PKIB: variants seen among roughly 807,000 people sequenced by gnomAD.
PKIB encodes cAMP-dependent protein kinase inhibitor beta.
A neutral mutation model predicts 4.5 loss-of-function variants in PKIB; 2 were observed. The ratio of observed to expected loss-of-function variants is 0.44; its 90% CI spans 0.18 to 1.39. The LOEUF (loss-of-function observed/expected upper bound fraction) is 1.39. PKIB is among the 40% of genes most tolerant of loss of function. PKIB has a pLI of 0.27. For synonymous variants in PKIB, 38 were observed against 36.0 expected (o/e 1.06, Z -0.20); for missense variants, 94 against 92.6 (o/e 1.02, Z -0.06).
At chr6:122,501,628 C>T (rs1322694847) in intron 2 of PKIB, among the ~76,000 whole-genome samples, 1 of 152,194 alleles carries the variant, frequency 6.6e-6, no homozygotes, top group East Asian at 1.9e-4. Flanking sequence ...CCTGAGGCTG[C>T]ATAGAGCAGT....
chr6:122,596,024 C>T (rs878953317), intron 3 of PKIB, among the ~76,000 whole-genome samples: 2 of 152,220 alleles, frequency 1.3e-5, no homozygotes, highest in Non-Finnish European at 2.9e-5. Context: ...TTTCCAATCA[C>T]GCTTCTTTCA....
At chr6:122,599,831 T>C (rs1774299989) in intron 3 of PKIB, among the ~76,000 whole-genome samples, 1 of 152,050 alleles carries the variant, frequency 6.6e-6, no homozygotes, top group Non-Finnish European at 1.5e-5. Flanking sequence ...CATTTTTGGG[T>C]CTAATCATAT....
chr6:122,476,604 TAA>T (rs1775456492), intron 1 of PKIB, among the ~76,000 whole-genome samples: 1 of 152,104 alleles, frequency 6.6e-6, no homozygotes, highest in African/African-American at 2.4e-5. Context: ...TCTACAAAAA[TAA>T]GTTTATTTCA....
intron 2 of PKIB, among the ~76,000 whole-genome samples, chr6:122,648,320 C>A (rs1359767028): frequency 1.3e-5 from 2 of 152,216 alleles, no homozygotes; most frequent in African/African-American, 2.4e-5. Flanking sequence ...CTCATTTTCA[C>A]CCCTTGATTG....
intron 2 of PKIB, among the ~76,000 whole-genome samples, chr6:122,505,650 C>A (rs1776375104): frequency 6.6e-6 from 1 of 151,960 alleles, no homozygotes; most frequent in Admixed American, 6.6e-5. Context: ...GACCCTGAGT[C>A]CCTTTAAAAA....
At chr6:122,490,131 T>C (rs776740344) in intron 2 of PKIB, among the ~76,000 whole-genome samples, 29 of 152,208 alleles carry the variant, frequency 1.9e-4, no homozygotes, top group Non-Finnish European at 3.5e-4. Flanking sequence ...AAAGGGAAAA[T>C]GCTGATTTAT....
chr6:122,679,668 T>C (rs1392633638), intron 3 of PKIB, among the ~76,000 whole-genome samples: 2 of 152,162 alleles, frequency 1.3e-5, no homozygotes, highest in African/African-American at 2.4e-5. Flanking sequence ...TGTACAGTGG[T>C]GTTCACTTGC....
intron 2 of PKIB, among the ~76,000 whole-genome samples, chr6:122,653,921 ACACT>A (rs1370232139): frequency 3.3e-5 from 5 of 152,118 alleles, no homozygotes. Flanking sequence ...TCGCGCCATT[ACACT>A]CCAGCCTGAG....
chr6:122,548,053 C>T lies in PKIB; in HGVS notation c.-247-37868C>T, dbSNP rs929689953. The stretch of plus-strand genomic sequence containing the variant: ...GTACATAGGCTCCATCTACACACAC[C>T]GGCTTTATACATAAGTTTTGGGCAT... On this transcript the variant is annotated intron_variant, in intron 2 of 6. Transcript: ENST00000392491. Among the ~76,000 whole-genome samples, 5 of 152,246 alleles carry T rather than the reference C, an allele frequency of 3.3e-5. No individual in the cohort carries two copies. The South Asian group carries it at 6.2e-4, about 19-fold the overall frequency.
intron 2 of PKIB, among the ~76,000 whole-genome samples, chr6:122,513,852 C>T (rs1012649745): frequency 1.3e-5 from 2 of 152,136 alleles, no homozygotes; most frequent in Admixed American, 6.5e-5. Flanking sequence ...AGTGTATATG[C>T]ACCACATTTT....
chr6:122,705,617 G>A (rs1051483477), intron 3 of PKIB, among the ~76,000 whole-genome samples: 5 of 144,610 alleles, frequency 3.5e-5, no homozygotes, highest in Non-Finnish European at 7.4e-5. Context: ...CTACACTGGA[G>A]TGTAGTGGCG....
chr6:122,503,852 G>T (rs1045434293), intron 2 of PKIB, among the ~76,000 whole-genome samples: 1 of 152,146 alleles, frequency 6.6e-6, no homozygotes, highest in Non-Finnish European at 1.5e-5. Context: ...AAATGTAGGA[G>T]AGAGGAAAAT....
chr6:122,489,202 C>G (rs1775866095), intron 2 of PKIB, among the ~76,000 whole-genome samples: 1 of 148,604 alleles, frequency 6.7e-6, no homozygotes, highest in African/African-American at 2.5e-5. Flanking sequence ...AAATAAGAGA[C>G]TTTTAAAAAT....
At chr6:122,559,915 C>G (rs1194256036) in intron 2 of PKIB, among the ~76,000 whole-genome samples, 1 of 152,026 alleles carries the variant, frequency 6.6e-6, no homozygotes, top group Non-Finnish European at 1.5e-5. Context: ...TTGCTGAATT[C>G]TTTTATCAGT....
chr6:122,542,421 G>A (rs1412031284), intron 2 of PKIB, among the ~76,000 whole-genome samples: 2 of 152,068 alleles, frequency 1.3e-5, no homozygotes, highest in African/African-American at 4.8e-5. Context: ...CTCAGCTGCA[G>A]GTCTGTTGGA....
At chr6:122,602,512 G>A (rs1218311004) in intron 3 of PKIB, among the ~76,000 whole-genome samples, 1 of 152,114 alleles carries the variant, frequency 6.6e-6, no homozygotes, top group East Asian at 1.9e-4. Context: ...ATTTACTTTG[G>A]ATTAATGAGC....
intron 1 of PKIB, among the ~76,000 whole-genome samples, chr6:122,614,362 A>C (rs1157615795): frequency 6.6e-6 from 1 of 152,200 alleles, no homozygotes; most frequent in African/African-American, 2.4e-5. Flanking sequence ...GTAATTGAAG[A>C]AGCAGCAACA....
chr6:122,706,833 CATT>C (rs1322357315), intron 3 of PKIB, among the ~76,000 whole-genome samples: 2 of 151,980 alleles, frequency 1.3e-5, no homozygotes, highest in African/African-American at 4.8e-5. Flanking sequence ...AAATAGAAAT[CATT>C]AATAATAACA....
At chr6:122,719,116 A>G (rs1475633118) in intron 4 of PKIB, among the ~76,000 whole-genome samples, 1 of 152,146 alleles carries the variant, frequency 6.6e-6, no homozygotes, top group Non-Finnish European at 1.5e-5. Flanking sequence ...ATTCTAAACT[A>G]GTGAGGTAGA....
Sources: allele counts gnomAD v4.1 joint callset (sites outside exome capture counted in the v4.1 genomes callset), GRCh38; gene constraint gnomAD v4.1.1; transcripts MANE v1.5; gene names NCBI Gene and HGNC (gene_info 2026-07-23, HGNC 2026-07-21).